The following ZNF568 variants were observed in gnomAD, a reference collection of about 807,000 sequenced individuals.
ZNF568 encodes zinc finger protein 568.
A neutral mutation model predicts 18.1 loss-of-function variants in ZNF568; 11 were observed. The observed-to-expected ratio is 0.61, with a 90% CI of 0.38 to 1.00. ZNF568 has a LOEUF of 1.00. ZNF568 is among the 50% of genes least tolerant of loss of function. The pLI, the probability that ZNF568 is intolerant of heterozygous loss-of-function variation, is 0.01. For missense variants in ZNF568, 639 were observed against 768.2 expected, an observed-to-expected ratio of 0.83 and a Z score of 1.99; for synonymous variants, 213 against 246.6, an observed-to-expected ratio of 0.86 and a Z score of 1.28.
At chr19:36,980,419 G>C (rs1031350467), downstream of ZNF568, 1 of 152,030 alleles carries the variant, frequency 6.6e-6, no homozygotes, top group African/African-American at 2.4e-5. Context: ...TATTGAAAAG[G>C]CCATTGTAAA....
At chr19:36,954,632 T>G (rs1186449724), downstream of ZNF568, among the ~76,000 whole-genome samples, 2 of 151,690 alleles carry the variant, frequency 1.3e-5, no homozygotes, top group Non-Finnish European at 2.9e-5. Flanking sequence ...AGCAATGGCG[T>G]GATCTTGGCT....
At chr19:36,965,687 TTG>T (rs1396493691) in intron 6 of ZNF568, among the ~76,000 whole-genome samples, 1 of 151,180 alleles carries the variant, frequency 6.6e-6, no homozygotes. Context: ...CCCCCCAGTT[TTG>T]TGTGTGATCA....
At chr19:36,945,737 A>G (rs573947686) in intron 6 of ZNF568, among the ~76,000 whole-genome samples, 193 of 149,066 alleles carry the variant, frequency 1.3e-3, no homozygotes, top group South Asian at 6.7e-3. Context: ...GTGTGATTAT[A>G]TGTGTGTGTG....
intron 2 of ZNF568, among the ~76,000 whole-genome samples, chr19:36,989,702 A>T (rs2074407286): frequency 6.6e-6 from 1 of 152,072 alleles, no homozygotes; most frequent in African/African-American, 2.4e-5. Flanking sequence ...CTGCAGGTAC[A>T]TGCCACCTTG....
intron 6 of ZNF568, among the ~76,000 whole-genome samples, chr19:36,971,252 T>C (rs910218922): frequency 2.1e-5 from 3 of 140,618 alleles, no homozygotes; most frequent in African/African-American, 8.1e-5. Flanking sequence ...AAAAAACTCT[T>C]AAACTCTTTA....
intron 4 of ZNF568, among the ~76,000 whole-genome samples, chr19:36,994,958 C>CT (rs1490310053): frequency 6.6e-6 from 1 of 152,020 alleles, no homozygotes; most frequent in Non-Finnish European, 1.5e-5. Context: ...CCAAAATATC[C>CT]TTTTTTCTCA....
exon 5 of ZNF568, chr19:36,996,504 C>A: frequency 1.3e-6 from 2 of 1,536,224 alleles, no homozygotes; most frequent in Non-Finnish European, 1.7e-6. Context: ...AGTGCACAGC[C>A]CATAGAGAAT....
intron 2 of ZNF568, among the ~76,000 whole-genome samples, chr19:36,920,792 C>CACTG (rs147818987): frequency 7.2e-5 from 2 of 27,644 alleles, no homozygotes; most frequent in African/African-American, 3.7e-4. Context: ...GTTCACTCGC[C>CACTG]ACTCACTCAG....
At chr19:36,959,949 T>G (rs2074135461) in intron 6 of ZNF568, among the ~76,000 whole-genome samples, 1 of 152,088 alleles carries the variant, frequency 6.6e-6, no homozygotes, top group South Asian at 2.1e-4. Flanking sequence ...AATAACCAAC[T>G]TTTCATTTTG....
At chr19:36,972,563 G>A (rs1308858159) in intron 6 of ZNF568, among the ~76,000 whole-genome samples, 2 of 97,784 alleles carry the variant, frequency 2.0e-5, no homozygotes, top group Non-Finnish European at 4.2e-5. Flanking sequence ...TGACTTAAAT[G>A]TTGAGATGCC....
At chr19:36,917,455 C>G (rs1568376006) in intron 1 of ZNF568, 124 bp from the exon 2 acceptor site, 1 of 152,180 alleles carries the variant, frequency 6.6e-6, no homozygotes, top group Non-Finnish European at 1.5e-5. Context: ...AAGAAACATA[C>G]CTCTTTATCC....
At chr19:36,991,552 A>G in intron 3 of ZNF568, 2 of 632,708 alleles carry the variant, frequency 3.2e-6, no homozygotes, top group Non-Finnish European at 5.1e-6. Flanking sequence ...AGTGGAAATG[A>G]ATGGTTAAGT....
At chr19:36,977,490 A>G (rs2074295792) in intron 7 of ZNF568, among the ~76,000 whole-genome samples, 1 of 152,116 alleles carries the variant, frequency 6.6e-6, no homozygotes, top group Non-Finnish European at 1.5e-5. Flanking sequence ...AGTCCTCAAG[A>G]ATTACTTTCA....
At chr19:36,982,275 C>G (rs1437006142), downstream of ZNF568, among the ~76,000 whole-genome samples, 1 of 152,134 alleles carries the variant, frequency 6.6e-6, no homozygotes, top group Non-Finnish European at 1.5e-5. Flanking sequence ...TTCACTTTTA[C>G]TTATGTTTGC....
chr19:36,985,930 C>T (rs184875413), intron 2 of ZNF568, among the ~76,000 whole-genome samples: 60 of 152,176 alleles, frequency 3.9e-4, no homozygotes, highest in Non-Finnish European at 7.9e-4. Context: ...CAGTGTGGTG[C>T]TGCTTTATTT....
intron 6 of ZNF568, among the ~76,000 whole-genome samples, chr19:36,947,930 A>AC (rs373832574): frequency 1.3e-5 from 2 of 152,302 alleles, no homozygotes; most frequent in African/African-American, 4.8e-5. Flanking sequence ...AACATCTTGC[A>AC]CCACAGTGGT....
intron 4 of ZNF568, among the ~76,000 whole-genome samples, chr19:36,930,295 C>T (rs972252695): frequency 2.0e-5 from 3 of 151,342 alleles, no homozygotes; most frequent in Non-Finnish European, 2.9e-5. Flanking sequence ...CTGCAAGCTC[C>T]GCCTCCCAGG....
intron 4 of ZNF568, chr19:36,991,926 A>G: frequency 8.7e-7 from 1 of 1,149,674 alleles, no homozygotes; most frequent in East Asian, 2.6e-5. Flanking sequence ...CACTTCAGGG[A>G]TTTTGGTAGG....
chr19:36,975,408 A>G (rs779130896), intron 7 of ZNF568, among the ~76,000 whole-genome samples: 7 of 150,954 alleles, frequency 4.6e-5, no homozygotes, highest in Non-Finnish European at 7.4e-5. Flanking sequence ...AGGCCTCCCA[A>G]TGGAGCCTTG....
Sources: allele counts gnomAD v4.1 joint callset (sites outside exome capture counted in the v4.1 genomes callset), GRCh38; gene constraint gnomAD v4.1.1; transcripts MANE v1.5; gene names NCBI Gene and HGNC (gene_info 2026-07-23, HGNC 2026-07-21).